STON2: variants seen among roughly 807,000 people sequenced by gnomAD.
The protein encoded by STON2 is stonin 2.
A neutral mutation model predicts 65.7 loss-of-function variants in STON2; 29 were observed. The ratio of observed to expected loss-of-function variants is 0.44; its 90% CI spans 0.33 to 0.60. STON2 has a LOEUF of 0.60. STON2 is among the 20% of genes least tolerant of loss of function. The pLI, the probability that STON2 is intolerant of heterozygous loss-of-function variation, is 0.03. For missense variants in STON2, 1,054 were observed against 1,118.1 expected, an observed-to-expected ratio of 0.94 and a Z score of 0.82; for synonymous variants, 404 against 414.2, an observed-to-expected ratio of 0.98 and a Z score of 0.30.
At chr14:81,360,367 G>A (rs975864235) in intron 4 of STON2, among the ~76,000 whole-genome samples, 3 of 152,044 alleles carry the variant, frequency 2.0e-5, no homozygotes, top group Non-Finnish European at 4.4e-5. Context: ...ATGCAAAGAT[G>A]TTTCAATATA....
chr14:81,385,622 C>G (rs928593992), intron 3 of STON2, among the ~76,000 whole-genome samples: 1 of 152,168 alleles, frequency 6.6e-6, no homozygotes, highest in Non-Finnish European at 1.5e-5. Context: ...AGGGCGCCAT[C>G]CTTCAAGTTC....
intron 4 of STON2, among the ~76,000 whole-genome samples, chr14:81,341,352 G>C (rs1188936256): frequency 6.6e-6 from 1 of 150,702 alleles, no homozygotes; most frequent in Non-Finnish European, 1.5e-5. Flanking sequence ...GGGTGGATAT[G>C]TTTAATTGTA....
intron 3 of STON2, among the ~76,000 whole-genome samples, chr14:81,393,834 T>C (rs1331095348): frequency 1.3e-5 from 2 of 152,174 alleles, no homozygotes; most frequent in Non-Finnish European, 2.9e-5. Flanking sequence ...GAAGCCTGTC[T>C]GGACCTGTCA....
At chr14:81,381,075 AT>A (rs1248950735) in intron 3 of STON2, among the ~76,000 whole-genome samples, 1 of 152,194 alleles carries the variant, frequency 6.6e-6, no homozygotes, top group Non-Finnish European at 1.5e-5. Flanking sequence ...TGAGTAATAT[AT>A]TTATAAGTAT....
chr14:81,421,664 A>G (rs1038272093), intron 2 of STON2, among the ~76,000 whole-genome samples: 30 of 152,338 alleles, frequency 2.0e-4, no homozygotes, highest in African/African-American at 7.2e-4. Context: ...GATGAAAAAA[A>G]CCTTTGGAAA....
At chr14:81,382,622 A>G (rs1007671114) in intron 3 of STON2, among the ~76,000 whole-genome samples, 4 of 152,202 alleles carry the variant, frequency 2.6e-5, no homozygotes, top group African/African-American at 9.7e-5. Context: ...CGATGACAAT[A>G]TTCCATTTAT....
At chr14:81,297,841 C>A (rs887462889) in intron 5 of STON2, among the ~76,000 whole-genome samples, 3 of 152,138 alleles carry the variant, frequency 2.0e-5, no homozygotes, top group Non-Finnish European at 4.4e-5. Context: ...GAGTTTGAGA[C>A]CAGCCTGACC....
chr14:81,347,615 T>TAAAAAA (rs55784716), intron 4 of STON2, among the ~76,000 whole-genome samples: 40 of 72,568 alleles, frequency 5.5e-4, no homozygotes, highest in Middle Eastern at 0.015. Context: ...AAGAAGACAG[T>TAAAAAA]AAAAAAAAAA....
chr14:81,353,778 G>T (rs79722508), intron 4 of STON2, among the ~76,000 whole-genome samples: 1 of 152,006 alleles, frequency 6.6e-6, no homozygotes, highest in Non-Finnish European at 1.5e-5. Context: ...AAAACACCTG[G>T]GGTCAGGTAG....
At chr14:81,376,793 T>C (rs1013244421) in intron 3 of STON2, among the ~76,000 whole-genome samples, 1 of 152,202 alleles carries the variant, frequency 6.6e-6, no homozygotes, top group African/African-American at 2.4e-5. Context: ...AGGAGAATTA[T>C]ATAATGACTA....
At chr14:81,376,868 T>C (rs943072535) in intron 3 of STON2, among the ~76,000 whole-genome samples, 1 of 152,200 alleles carries the variant, frequency 6.6e-6, no homozygotes, top group African/African-American at 2.4e-5. Context: ...TTTCTCATTA[T>C]TGTCCCCCTA....
At chr14:81,333,798 G>GGTT (rs141292859) in intron 4 of STON2, among the ~76,000 whole-genome samples, 1,934 of 152,266 alleles carry the variant, frequency 0.013, 37 homozygotes, top group African/African-American at 0.044. Context: ...GTTTTGAACA[G>GGTT]CTATAGTTAT....
At position 81,268,281 on chromosome 14, in the gene STON2, T is replaced by C. The variant is rs1894434559; in HGVS notation, c.*133A>G. The C allele has an allele frequency of 8.3e-7, 1 of 1,202,602 alleles. No individual in the cohort carries two copies. Among genetic ancestry groups the C allele is most frequent in the Non-Finnish European group, 1.1e-6 (1 of 949,438 alleles). 74.5% of individuals were successfully genotyped at this position (1,202,602 alleles called of 1,614,324 possible). On this transcript the variant is annotated 3_prime_UTR_variant, in exon 8 of 8. Coordinates refer to ENST00000614646, the MANE Select transcript of STON2 (RefSeq NM_001394390.1). Reference sequence around the variant, plus strand: ...TAACTGCAAACAGGAAGATCTGGTATACTGTTCCCAACATGCAGTGGCCAC... The same window carrying C: ...TAACTGCAAACAGGAAGATCTGGTACACTGTTCCCAACATGCAGTGGCCAC...
At chr14:81,346,185 G>C (rs762750120) in intron 4 of STON2, among the ~76,000 whole-genome samples, 1 of 152,068 alleles carries the variant, frequency 6.6e-6, no homozygotes, top group African/African-American at 2.4e-5. Flanking sequence ...CATTTTTTGG[G>C]AAAACTTATC....
chr14:81,353,572 T>C (rs781320410), intron 4 of STON2, among the ~76,000 whole-genome samples: 1 of 152,156 alleles, frequency 6.6e-6, no homozygotes, highest in Admixed American at 6.5e-5. Flanking sequence ...TTAACCACTT[T>C]ACTCCTCCCC....
chr14:81,286,659 C>T (rs1280537319), intron 5 of STON2, among the ~76,000 whole-genome samples: 2 of 152,194 alleles, frequency 1.3e-5, no homozygotes, highest in African/African-American at 2.4e-5. Context: ...GAAACCAAAC[C>T]TACAGTATAT....
intron 5 of STON2, among the ~76,000 whole-genome samples, chr14:81,279,203 G>A (rs929466226): frequency 2.0e-5 from 3 of 152,070 alleles, no homozygotes; most frequent in Non-Finnish European, 4.4e-5. Flanking sequence ...TTCTTGGAGG[G>A]ATTTTAGCCT....
At position 81,413,082 on chromosome 14, in the gene STON2, C is replaced by A. The variant is rs1017926254; in HGVS notation, c.-199+14020G>T. On this transcript the variant is annotated intron_variant, in intron 2 of 8. Coordinates refer to the STON2 transcript ENST00000553821. Reference sequence around the variant, plus strand: ...GAGAAATACAACAAAGAGAGGAACACTGTGGCTCATATCAAGAAGGAATGT... The same window carrying A: ...GAGAAATACAACAAAGAGAGGAACAATGTGGCTCATATCAAGAAGGAATGT... 13 of 1,069,908 alleles carry A rather than the reference C, an allele frequency of 1.2e-5. 1 individual carries two copies. The highest frequency in any genetic ancestry group is 1.8e-5 in the Non-Finnish European group (13 of 720,402). 66.3% of individuals were successfully genotyped at this position (1,069,908 alleles called of 1,614,324 possible). A position where few individuals can be genotyped will look rare whatever the true frequency, so the allele number is the denominator to read the frequency against.
upstream of STON2, among the ~76,000 whole-genome samples, chr14:81,403,609 G>T (rs971763869): frequency 1.3e-5 from 2 of 152,106 alleles, no homozygotes; most frequent in Non-Finnish European, 2.9e-5. Flanking sequence ...CGTGGCAATG[G>T]TGACAAGTGC....
Sources: allele counts gnomAD v4.1 joint callset (sites outside exome capture counted in the v4.1 genomes callset), GRCh38; gene constraint gnomAD v4.1.1; transcripts MANE v1.5; gene names NCBI Gene and HGNC (gene_info 2026-07-23, HGNC 2026-07-21).